The following PCOLCE2 variants were observed in gnomAD, a reference collection of about 807,000 sequenced individuals.
PCOLCE2 encodes procollagen C-proteinase enhancer 2.
PCOLCE2 carries 42 observed loss-of-function variants against 47.0 expected under a neutral mutation model. The observed-to-expected ratio is 0.89, with a 90% CI of 0.70 to 1.16. The LOEUF is 1.16. Ranked by LOEUF, PCOLCE2 falls within the 50% of genes most tolerant of loss-of-function variation. The pLI is 0.00. For missense variants in PCOLCE2, 500 were observed against 526.1 expected (o/e 0.95, Z 0.49); for synonymous variants, 169 against 191.7 (o/e 0.88, Z 0.98).
intron 3 of PCOLCE2, among the ~76,000 whole-genome samples, chr3:142,845,888 T>C (rs955193796): frequency 6.6e-6 from 1 of 152,008 alleles, no homozygotes; most frequent in African/African-American, 2.4e-5. Flanking sequence ...GGCACAAAAA[T>C]CGCTTGAACC....
chr3:142,887,156 A>ACCC (rs60000382), intron 2 of PCOLCE2: 6 of 151,408 alleles, frequency 4.0e-5, no homozygotes, highest in African/African-American at 1.5e-4. Context: ...TTAGATTCCC[A>ACCC]CCCCCCCATT....
chr3:142,877,697 G>A (rs1255598932), intron 2 of PCOLCE2, among the ~76,000 whole-genome samples: 1 of 152,162 alleles, frequency 6.6e-6, no homozygotes. Flanking sequence ...AACTATGTCA[G>A]TCTGACTCTC....
chr3:142,821,234 C>T (rs550035453), intron 7 of PCOLCE2, among the ~76,000 whole-genome samples, 189 bp from the exon 8 acceptor site: 14 of 152,248 alleles, frequency 9.2e-5, no homozygotes, highest in East Asian at 5.8e-4. Flanking sequence ...TGTGATGTTA[C>T]GCTGGTTGTT....
chr3:142,841,555 ATTACT>A (rs149805279), intron 4 of PCOLCE2, among the ~76,000 whole-genome samples: 2,230 of 152,312 alleles, frequency 0.015, 51 homozygotes, highest in African/African-American at 0.05. Flanking sequence ...AATTTTTAAA[ATTACT>A]TTATAAAACA....
chr3:142,826,593 C>G (rs1413462481), intron 6 of PCOLCE2, among the ~76,000 whole-genome samples: 1 of 152,150 alleles, frequency 6.6e-6, no homozygotes, highest in African/African-American at 2.4e-5. Flanking sequence ...CAAAGCCTCT[C>G]CTTCTTCTTT....
At chr3:142,865,606 A>G (rs1232678622) in intron 2 of PCOLCE2, among the ~76,000 whole-genome samples, 2 of 152,248 alleles carry the variant, frequency 1.3e-5, no homozygotes, top group Non-Finnish European at 2.9e-5. Flanking sequence ...TCTACAGAAT[A>G]TAAAAAGAAA....
intron 2 of PCOLCE2, among the ~76,000 whole-genome samples, chr3:142,875,476 C>A (rs1933480370): frequency 6.6e-6 from 1 of 151,912 alleles, no homozygotes; most frequent in Non-Finnish European, 1.5e-5. Context: ...CTACAAAATG[C>A]AAAGGAAGTG....
chr3:142,858,466 C>A (rs181194389), intron 2 of PCOLCE2, among the ~76,000 whole-genome samples: 1 of 152,316 alleles, frequency 6.6e-6, no homozygotes, highest in African/African-American at 2.4e-5. Context: ...TAATCAACTA[C>A]CAGCTGCTGG....
chr3:142,831,360 C>T (rs550737806), intron 5 of PCOLCE2, among the ~76,000 whole-genome samples: 11 of 152,316 alleles, frequency 7.2e-5, no homozygotes, highest in African/African-American at 2.2e-4. Context: ...CCCTGTGCTG[C>T]GTGGGGACTT....
intron 6 of PCOLCE2, chr3:142,827,612 T>C: frequency 6.8e-7 from 1 of 1,474,912 alleles, no homozygotes; most frequent in Non-Finnish European, 9.5e-7. Context: ...ATACACAAAC[T>C]GGCCCGTGTG....
chr3:142,846,431 C>G (rs1371028567), intron 3 of PCOLCE2, among the ~76,000 whole-genome samples: 3 of 152,198 alleles, frequency 2.0e-5, no homozygotes, highest in Non-Finnish European at 2.9e-5. Context: ...AACTCCTGAT[C>G]TCAGGTGATC....
intron 2 of PCOLCE2, among the ~76,000 whole-genome samples, chr3:142,877,133 TCC>T (rs1248036700): frequency 6.6e-6 from 1 of 152,220 alleles, no homozygotes; most frequent in Admixed American, 6.5e-5. Flanking sequence ...AATTAAAGTC[TCC>T]ATCTATAAAC....
intron 2 of PCOLCE2, among the ~76,000 whole-genome samples, chr3:142,848,946 G>C (rs895174866): frequency 6.6e-6 from 1 of 152,156 alleles, no homozygotes; most frequent in Non-Finnish European, 1.5e-5. Context: ...AAGGTCAGGA[G>C]ATCGAGACCA....
intron 2 of PCOLCE2, chr3:142,887,099 T>C (rs936650274): frequency 6.6e-6 from 1 of 152,344 alleles, no homozygotes; most frequent in East Asian, 1.9e-4. Context: ...GCATAATCTA[T>C]GTTATTACTA....
intron 3 of PCOLCE2, 139 bp downstream of exon 3, chr3:142,848,078 A>T: frequency 1.3e-6 from 1 of 757,022 alleles, no homozygotes; most frequent in Non-Finnish European, 2.1e-6. Context: ...GATTTTTTGT[A>T]TTGGTCTCAT....
At chr3:142,883,210 A>AG (rs1186708492) in intron 2 of PCOLCE2, among the ~76,000 whole-genome samples, 5 of 151,434 alleles carry the variant, frequency 3.3e-5, no homozygotes, top group African/African-American at 1.2e-4. Flanking sequence ...AAAAAAAAAA[A>AG]AAAAAAAAAG....
At chr3:142,863,096 CAAAAAA>C (rs35383176) in intron 2 of PCOLCE2, among the ~76,000 whole-genome samples, 5 of 85,986 alleles carry the variant, frequency 5.8e-5, no homozygotes, top group East Asian at 3.5e-4. Flanking sequence ...GTCTGGCAGG[CAAAAAA>C]AAAAAAAAAA....
At chr3:142,847,537 A>C (rs1023251918) in intron 3 of PCOLCE2, among the ~76,000 whole-genome samples, 3 of 152,042 alleles carry the variant, frequency 2.0e-5, no homozygotes, top group African/African-American at 7.2e-5. Flanking sequence ...GTGTGTGTAT[A>C]TATATATTTG....
chr3:142,819,070 T>C (rs1159032600), intron 8 of PCOLCE2, among the ~76,000 whole-genome samples: 2 of 152,252 alleles, frequency 1.3e-5, no homozygotes, highest in Admixed American at 1.3e-4. Context: ...TCTTGAACTT[T>C]AATCAACATC....
Sources: allele counts gnomAD v4.1 joint callset (sites outside exome capture counted in the v4.1 genomes callset), GRCh38; gene constraint gnomAD v4.1.1; transcripts MANE v1.5; gene names NCBI Gene and HGNC (gene_info 2026-07-23, HGNC 2026-07-21).